GHR: variants seen among roughly 807,000 people sequenced by gnomAD.
GHR encodes growth hormone receptor, also known as GH receptor.
Under a neutral mutation model 67.1 loss-of-function variants are expected in GHR, and 35 were observed. The observed-to-expected ratio is 0.52, with a 90% CI of 0.40 to 0.69. The LOEUF (loss-of-function observed/expected upper bound fraction) is 0.69. Among genes scored for constraint, GHR ranks in the 30% least tolerant of loss-of-function variants. The probability of loss-of-function intolerance (pLI) is 0.00; values close to 1 mark genes in which losing one functional copy is unlikely to be tolerated. For missense variants in GHR, 792 were observed against 764.6 expected, an observed-to-expected ratio of 1.04 and a Z score of -0.42; for synonymous variants, 272 against 269.1, an observed-to-expected ratio of 1.01 and a Z score of -0.10.
At chr5:42,663,467 C>T (rs971789350) in intron 3 of GHR, among the ~76,000 whole-genome samples, 1 of 152,146 alleles carries the variant, frequency 6.6e-6, no homozygotes, top group South Asian at 2.1e-4. Context: ...TGTAATCCAG[C>T]ATATAAACAG....
chr5:42,682,013 C>A (rs1010936238), intron 3 of GHR, among the ~76,000 whole-genome samples: 6 of 150,216 alleles, frequency 4.0e-5, no homozygotes, highest in African/African-American at 1.5e-4. Flanking sequence ...AGACTTGGAA[C>A]CAACCCAAAT....
intron 1 of GHR, among the ~76,000 whole-genome samples, chr5:42,551,586 A>G (rs189309321): frequency 9.2e-5 from 14 of 152,306 alleles, no homozygotes; most frequent in African/African-American, 3.4e-4. Flanking sequence ...GTGAGAAGGG[A>G]TGGAGTAACC....
In GHR at chr5:42,461,072, A is replaced by T. The variant is rs1243012819; in HGVS notation, c.-12+37117A>T. ...GGATATGCTTTCATTCCTAGGATGG[A>T]CATTTTTCTTCTTCCCCAATAAGGA... On this transcript the variant is annotated intron_variant, in intron 1 of 9. Transcript: ENST00000230882. 3.9e-5 allele frequency among the ~76,000 whole-genome samples: 6 copies of T among 152,158 alleles called. 1 individual carries two copies. The highest frequency in any genetic ancestry group is 7.3e-5 in the Non-Finnish European group (5 of 68,028).
rs548910473 is a variant in GHR, at chr5:42,503,174, G to A, written c.-11-62690G>A. Among the ~76,000 whole-genome samples the A allele has an allele frequency of 5.3e-5, 8 of 152,244 alleles. No individual in the cohort carries two copies. The East Asian group carries it at 1.5e-3, about 29-fold the overall frequency. The stretch of plus-strand genomic sequence containing the variant: ...ATCGCTTCCTTATGCTCAACCTTCT[G>A]AGCAATACAAGGAAAAATTCCTTGT... On this transcript the variant is annotated intron_variant, in intron 1 of 9. Transcript: ENST00000230882.
intron 1 of GHR, among the ~76,000 whole-genome samples, chr5:42,538,121 G>A (rs1412042494): frequency 2.0e-5 from 3 of 152,172 alleles, no homozygotes; most frequent in African/African-American, 7.2e-5. Flanking sequence ...CTGCTGTTCT[G>A]TATCTTTTAA....
At chr5:42,596,255 C>A (rs1440433636) in intron 2 of GHR, among the ~76,000 whole-genome samples, 2 of 151,592 alleles carry the variant, frequency 1.3e-5, no homozygotes, top group Non-Finnish European at 2.9e-5. Flanking sequence ...AGAGTAGGTG[C>A]TTCATAATGT....
In GHR at chr5:42,582,008, G is replaced by T. The variant is rs371826530; in HGVS notation, c.70+16064G>T. ...CCTGGATGCTGTCATGACCTGGTCA[G>T]GTGTGCACACACTCGGAGCAGTGCT... On this transcript the variant is annotated intron_variant, in intron 2 of 9. Transcript: ENST00000230882. 2.2e-3 allele frequency among the ~76,000 whole-genome samples: 334 copies of T among 152,374 alleles called. 2 individuals are homozygous for T. The highest frequency in any genetic ancestry group is 7.8e-3 in the African/African-American group (326 of 41,592).
chr5:42,643,579 GT>G (rs777412112), intron 3 of GHR, among the ~76,000 whole-genome samples: 9 of 152,080 alleles, frequency 5.9e-5, no homozygotes, highest in Non-Finnish European at 1.0e-4. Context: ...ATCCACAGTG[GT>G]TTCCCTAGAG....
intron 1 of GHR, among the ~76,000 whole-genome samples, chr5:42,485,558 T>C (rs1373521956): frequency 4.6e-5 from 7 of 152,256 alleles, no homozygotes; most frequent in Non-Finnish European, 7.3e-5. Context: ...AGAAGAGTTA[T>C]GGACTTCACT....
chr5:42,469,681 C>A (rs867968874), intron 1 of GHR, among the ~76,000 whole-genome samples: 8 of 152,184 alleles, frequency 5.3e-5, no homozygotes, highest in Non-Finnish European at 1.0e-4. Flanking sequence ...ACTCCTTAGA[C>A]CCAGAGTCCC....
intron 1 of GHR, among the ~76,000 whole-genome samples, chr5:42,559,366 C>T (rs1482886892): frequency 1.3e-5 from 2 of 152,092 alleles, no homozygotes; most frequent in East Asian, 3.9e-4. Context: ...CACACCAAGA[C>T]CTTGTGTATA....
In GHR at chr5:42,428,567, T is replaced by G. The variant is rs1388328367; in HGVS notation, c.-12+4612T>G. On this transcript the variant is annotated intron_variant, in intron 1 of 9. Coordinates refer to ENST00000230882, the MANE Select transcript of GHR (RefSeq NM_000163.5). Reference sequence around the variant, plus strand: ...TTTCTTTTCTATGGCATCATCAGCTTGCACATTTTCCAAACTTTTATGCTC... The same window carrying G: ...TTTCTTTTCTATGGCATCATCAGCTGGCACATTTTCCAAACTTTTATGCTC... Among the ~76,000 whole-genome samples, 4 of 152,194 alleles carry G rather than the reference T, an allele frequency of 2.6e-5. No homozygotes were observed. In the East Asian group the frequency reaches 7.7e-4, roughly 29 times the overall value.
At chr5:42,621,322 G>A (rs1192274240) in intron 2 of GHR, among the ~76,000 whole-genome samples, 1 of 152,104 alleles carries the variant, frequency 6.6e-6, no homozygotes, top group Non-Finnish European at 1.5e-5. Context: ...GTGTTCCCTG[G>A]ACGTCACTAC....
intron 1 of GHR, among the ~76,000 whole-genome samples, chr5:42,470,793 A>G (rs1465638794): frequency 1.3e-5 from 2 of 152,170 alleles, no homozygotes; most frequent in East Asian, 1.9e-4. Flanking sequence ...TGAAGGACTA[A>G]TGAATTTAGT....
intron 2 of GHR, among the ~76,000 whole-genome samples, chr5:42,612,762 C>G (rs1250691952): frequency 1.2e-4 from 18 of 152,188 alleles, no homozygotes; most frequent in African/African-American, 4.3e-4. Context: ...TGGACCTTTT[C>G]CATTTTACAA....
intron 1 of GHR, among the ~76,000 whole-genome samples, chr5:42,425,524 G>T (rs1471532097): frequency 6.6e-6 from 1 of 152,206 alleles, no homozygotes; most frequent in Non-Finnish European, 1.5e-5. Flanking sequence ...AAACAAAATT[G>T]ATGCAGCAGA....
chr5:42,465,536 G>T (rs1167926854), intron 1 of GHR: 4 of 1,516,264 alleles, frequency 2.6e-6, no homozygotes, highest in African/African-American at 2.7e-5. Context: ...TTCACCTTCA[G>T]GTGTTTCCTC....
At chr5:42,474,309 G>GAAAGAAAGAAAGAAAGA in intron 1 of GHR, among the ~76,000 whole-genome samples, 1 of 141,506 alleles carries the variant, frequency 7.1e-6, no homozygotes, top group Admixed American at 7.1e-5. Context: ...AAGAAAGAAA[G>GAAAGAAAGAAAGAAAGA]AAAGAAAGAA....
At chr5:42,443,737 A>C (rs1743683201) in intron 1 of GHR, among the ~76,000 whole-genome samples, 1 of 152,158 alleles carries the variant, frequency 6.6e-6, no homozygotes, top group Admixed American at 6.5e-5. Flanking sequence ...TCATGTTGCA[A>C]GTCAAGTCCA....
Sources: gnomAD v4.1 joint callset for allele counts (sites outside exome capture counted in the v4.1 genomes callset) on GRCh38, gnomAD v4.1.1 for gene constraint, MANE v1.5 for transcripts, NCBI Gene and HGNC (gene_info 2026-07-23, HGNC 2026-07-21) for gene names.